Variants in CD58 observed in about 807,000 individuals in gnomAD.
CD58 encodes the protein lymphocyte function-associated antigen 3.
CD58 carries 14 observed loss-of-function variants against 27.6 expected under a neutral mutation model. The observed-to-expected ratio is 0.51, with a 90% CI of 0.34 to 0.79. The LOEUF (loss-of-function observed/expected upper bound fraction) is 0.79, where lower values mean the gene tolerates loss of function less well. Ranked by LOEUF, CD58 falls within the 30% of genes least tolerant of loss-of-function variation. The pLI, the probability that CD58 is intolerant of heterozygous loss-of-function variation, is 0.02. For missense variants in CD58, 268 were observed against 301.7 expected (o/e 0.89, Z 0.83); for synonymous variants, 117 against 103.8 (o/e 1.13, Z -0.77).
rs1394397276 is a variant in CD58 at position 116,535,614 on chromosome 1, G to A, written c.628+351C>T. Among the ~76,000 whole-genome samples the A allele has an allele frequency of 2.0e-5, 2 of 98,376 alleles. 1 individual carries two copies. Among genetic ancestry groups the A allele is most frequent in the Non-Finnish European group, 3.7e-5 (2 of 54,532 alleles). The allele number at this position is 98,376 out of a possible 152,430, so 64.5% of individuals were successfully genotyped here. ...CCCAGCACTTTGGGAGGCCGAGGCG[G>A]GCGGATCACGAGGTCAGGAGATCGA... On this transcript the variant is annotated intron_variant, in intron 3 of 5. Transcript: ENST00000369489.
In CD58 at chr1:116,546,642, C is replaced by A. The variant is rs148792404; in HGVS notation, c.71-2038G>T. ...TATGAGATAAACTGCCATACCCTGG[C>A]GGCATGAAGATGTCTTTTGTCTTTC... On this transcript the variant is annotated intron_variant, in intron 1 of 5. Coordinates refer to ENST00000369489, the MANE Select transcript of CD58 (RefSeq NM_001779.3). This position sits in a 1 kb window ranked among gnomAD's most constrained non-coding sequence, Gnocchi z 4.1. Among the ~76,000 whole-genome samples the A allele has an allele frequency of 6.0e-4, 92 of 152,238 alleles. No homozygotes were observed. The highest frequency in any genetic ancestry group is 1.9e-3 in the African/African-American group (77 of 41,534).
intron 3 of CD58, chr1:116,533,949 G>A: frequency 1.4e-6 from 2 of 1,424,384 alleles, no homozygotes; most frequent in South Asian, 2.3e-5. Flanking sequence ...GGGTGTGAGG[G>A]GCATTGTCAA....
In CD58 at chr1:116,536,467, T is replaced by G. The variant is rs1394390701; in HGVS notation, c.365-239A>C. 1.3e-5 allele frequency among the ~76,000 whole-genome samples: 2 copies of G among 152,296 alleles called. No individual in the cohort carries two copies. Among genetic ancestry groups the G allele is most frequent in the Non-Finnish European group, 2.9e-5 (2 of 68,022 alleles). ...TCTGGGTCCTCACCCAAATCTCATC[T>G]TGAATTGTAATTCCCATGTGTCGAG... On this transcript the variant is annotated intron_variant, in intron 2 of 5. Transcript: ENST00000369489. The surrounding 1 kb of genome is among the most constrained non-coding windows in gnomAD (Gnocchi z 5.4).
chr1:116,521,071 G>A lies in CD58; in HGVS notation c.706+835C>T, dbSNP rs1657248770. Among the ~76,000 whole-genome samples the A allele has an allele frequency of 6.6e-6, 1 of 152,076 alleles. No homozygotes were observed. The highest frequency in any genetic ancestry group is 1.5e-5 in the Non-Finnish European group (1 of 68,018). ...TGAGGAATGAATCTTAAATTTAATG[G>A]TATTTCATTTTAAATGATATATTTA... On this transcript the variant is annotated intron_variant, in intron 4 of 5. Transcript: ENST00000369489. This position sits in a 1 kb window ranked among gnomAD's most constrained non-coding sequence, Gnocchi z 5.6.
rs145577761 is a variant in CD58, at chr1:116,551,226, T to C, written c.71-6622A>G. Among the ~76,000 whole-genome samples, 858 of 152,362 alleles carry C rather than the reference T, an allele frequency of 5.6e-3. 5 individuals carry two copies. The highest frequency in any genetic ancestry group is 0.02 in the African/African-American group (823 of 41,596). On this transcript the variant is annotated intron_variant, in intron 1 of 5. Coordinates refer to ENST00000369489, the MANE Select transcript of CD58 (RefSeq NM_001779.3). ...GAAGTTGACTTCTCCTGTCTAGCTA[T>C]GGAAGTCCTAGATGGCATCTTCTTC...
intron 1 of CD58, among the ~76,000 whole-genome samples, chr1:116,545,891 C>T (rs1183739369): frequency 6.6e-6 from 1 of 152,150 alleles, no homozygotes; most frequent in Non-Finnish European, 1.5e-5. Flanking sequence ...TAAGAGAGAA[C>T]AGCAGCTGGG....
Position 116,532,986 on chromosome 1 carries a change from T to C in CD58, c.628+2979A>G, listed in dbSNP as rs567081848. 1 of 822,344 alleles carries C rather than the reference T, an allele frequency of 1.2e-6. No homozygotes were observed. The highest frequency in any genetic ancestry group is 2.0e-6 in the Non-Finnish European group (1 of 496,010). The allele number at this position is 822,344 out of a possible 1,614,324, so 50.9% of individuals were successfully genotyped here. On this transcript the variant is annotated intron_variant, in intron 3 of 5. Coordinates refer to ENST00000369489, the MANE Select transcript of CD58 (RefSeq NM_001779.3). This position sits in a 1 kb window ranked among gnomAD's most constrained non-coding sequence, Gnocchi z 5.1. Reference sequence around the variant, plus strand: ...TGGCTGGGTTCCTTGTTGGGATTAATTTCCACCTCATCCTCATCTTCTCCC... The same window carrying C: ...TGGCTGGGTTCCTTGTTGGGATTAACTTCCACCTCATCCTCATCTTCTCCC...
At chr1:116,537,257 T>C (rs1202432515) in intron 2 of CD58, among the ~76,000 whole-genome samples, 3 of 152,206 alleles carry the variant, frequency 2.0e-5, no homozygotes, top group African/African-American at 7.2e-5. Context: ...TGAGACCTTG[T>C]CTTTAAATAT....
chr1:116,567,234 AAAGGG>A (rs1319827102), intron 1 of CD58, among the ~76,000 whole-genome samples: 5 of 88,142 alleles, frequency 5.7e-5, no homozygotes, highest in African/African-American at 2.2e-4. Flanking sequence ...GAGGGGAGGG[AAAGGG>A]AGGGGAGGGG....
chr1:116,544,999 A>G (rs1022236221), intron 1 of CD58, among the ~76,000 whole-genome samples: 5 of 152,344 alleles, frequency 3.3e-5, no homozygotes, highest in Admixed American at 6.5e-5. Flanking sequence ...TCACTGAAGG[A>G]TAAAAGGCAG....
At chr1:116,562,675 G>C (rs895563817) in intron 1 of CD58, among the ~76,000 whole-genome samples, 1 of 152,338 alleles carries the variant, frequency 6.6e-6, no homozygotes, top group African/African-American at 2.4e-5. Flanking sequence ...GCAGGCAAGA[G>C]AGAGCGTGTG....
chr1:116,533,393 A>G, intron 3 of CD58: 1 of 854,104 alleles, frequency 1.2e-6, no homozygotes, highest in Non-Finnish European at 2.0e-6. Context: ...GATCAGCCTT[A>G]TCTGGTTCTG....
At chr1:116,562,510 T>C (rs1012367437) in intron 1 of CD58, among the ~76,000 whole-genome samples, 8 of 152,084 alleles carry the variant, frequency 5.3e-5, no homozygotes, top group African/African-American at 1.9e-4. Flanking sequence ...AGATGGGGTG[T>C]ATTAGTCCAT....
Position 116,570,901 on chromosome 1 carries a change from A to G in CD58, c.70+2T>C. ...GGGGCCCCTGGGGCAGGCTTCACTCACCAAAGCAGTGCAGCAGGCAGACCA... is the reference window on the plus strand; with the variant it reads ...GGGGCCCCTGGGGCAGGCTTCACTCGCCAAAGCAGTGCAGCAGGCAGACCA... On this transcript the variant is annotated splice_donor_variant, in intron 1 of 5. Coordinates refer to ENST00000369489, the MANE Select transcript of CD58 (RefSeq NM_001779.3). LOFTEE classifies it high-confidence loss of function. The surrounding 1 kb of genome is among the most constrained non-coding windows in gnomAD (Gnocchi z 6.4). 1 of 1,557,298 alleles carries G rather than the reference A, an allele frequency of 6.4e-7. No homozygotes were observed. The highest frequency in any genetic ancestry group is 8.6e-7 in the Non-Finnish European group (1 of 1,156,202).
At chr1:116,533,382 G>C in intron 3 of CD58, 1 of 889,524 alleles carries the variant, frequency 1.1e-6, no homozygotes, top group South Asian at 1.3e-5. Flanking sequence ...AAATGAAAAG[G>C]GATCAGCCTT....
chr1:116,533,682 G>A, intron 3 of CD58: 2 of 679,334 alleles, frequency 2.9e-6, no homozygotes, highest in East Asian at 6.2e-5. Flanking sequence ...TATTTTTCCT[G>A]TCTCCAGCCA....
At chr1:116,568,239 A>G (rs915653472) in intron 1 of CD58, among the ~76,000 whole-genome samples, 1 of 152,170 alleles carries the variant, frequency 6.6e-6, no homozygotes, top group Non-Finnish European at 1.5e-5. Flanking sequence ...TCTTGTTCTT[A>G]TGAGACATAT....
rs1340059111 is a variant in CD58 at position 116,552,487 on chromosome 1, C to T, written c.71-7883G>A. On this transcript the variant is annotated intron_variant, in intron 1 of 5. Transcript: ENST00000369489. This position sits in a 1 kb window ranked among gnomAD's most constrained non-coding sequence, Gnocchi z 4.5. ...TTAAAGCTGGGTTGTCACGAACCTT[C>T]AATTTGTAAAAAGCACATTATCTGT... 6.6e-6 allele frequency among the ~76,000 whole-genome samples: 1 copy of T among 152,176 alleles called. No homozygotes were observed. The highest frequency in any genetic ancestry group is 1.5e-5 in the Non-Finnish European group (1 of 68,008).
chr1:116,533,905 A>G (rs753597926), intron 3 of CD58: 24 of 1,299,592 alleles, frequency 1.8e-5, no homozygotes, highest in Non-Finnish European at 2.7e-5. Flanking sequence ...TCTTCTTTTT[A>G]CTGCTTTAGG....
Sources: allele counts gnomAD v4.1 joint callset (sites outside exome capture counted in the v4.1 genomes callset), GRCh38; gene constraint gnomAD v4.1.1; non-coding constraint Gnocchi (gnomAD v3.1); transcripts MANE v1.5; gene names NCBI Gene and HGNC (gene_info 2026-07-23, HGNC 2026-07-21).